The following CEP89 variants were observed in gnomAD, a reference collection of about 807,000 sequenced individuals.
CEP89 encodes centrosomal protein 89.
Under a neutral mutation model 97.6 loss-of-function variants are expected in CEP89, and 95 were observed. That is an observed-to-expected ratio of 0.97 (90% confidence interval 0.82 to 1.15). The LOEUF is 1.15. Ranked by LOEUF, CEP89 falls within the 50% of genes most tolerant of loss-of-function variation. The pLI, the probability that CEP89 is intolerant of heterozygous loss-of-function variation, is 0.00. For missense variants in CEP89, 869 were observed against 947.7 expected (o/e 0.92, Z 1.09); for synonymous variants, 354 against 349.1 (o/e 1.01, Z -0.16).
chr19:32,931,385 G>C (rs749060396), intron 9 of CEP89, 44 bp downstream of exon 9: 34 of 1,519,994 alleles, frequency 2.2e-5, no homozygotes, highest in Non-Finnish European at 2.9e-5. Flanking sequence ...AACAGTAAAG[G>C]CTTAAAAATC....
At chr19:32,893,107 GA>G (rs35600849) in intron 16 of CEP89, among the ~76,000 whole-genome samples, 12,873 of 145,838 alleles carry the variant, frequency 0.088, 742 homozygotes, top group South Asian at 0.15. Flanking sequence ...ATGGATATCA[GA>G]AAAAAAAAAC....
intron 1 of CEP89, among the ~76,000 whole-genome samples, chr19:32,967,381 A>G (rs951570527): frequency 6.6e-6 from 1 of 152,178 alleles, no homozygotes; most frequent in African/African-American, 2.4e-5. Context: ...GCAAAACACC[A>G]TGACAGCAAT....
intron 14 of CEP89, among the ~76,000 whole-genome samples, chr19:32,905,864 G>A (rs1039061552): frequency 4.6e-5 from 7 of 152,182 alleles, no homozygotes; most frequent in East Asian, 3.9e-4. Flanking sequence ...GATTACAGAC[G>A]GTAAGCCATC....
chr19:32,903,029 A>G (rs1001411006), intron 14 of CEP89, among the ~76,000 whole-genome samples: 1 of 152,078 alleles, frequency 6.6e-6, no homozygotes, highest in Non-Finnish European at 1.5e-5. Context: ...GGCCCACCCT[A>G]ACAAAAATCA....
intron 3 of CEP89, 131 bp downstream of exon 3, chr19:32,959,769 A>G: frequency 1.1e-6 from 1 of 915,428 alleles, no homozygotes. Flanking sequence ...AAATACATGC[A>G]TGAGCACCCA....
intron 3 of CEP89, among the ~76,000 whole-genome samples, chr19:32,956,204 C>T (rs1447848263): frequency 5.9e-5 from 9 of 151,358 alleles, no homozygotes; most frequent in Non-Finnish European, 1.2e-4. Context: ...TACAGGCGCC[C>T]GCCACCACGC....
chr19:32,910,314 GGA>G (rs146865758), intron 14 of CEP89, among the ~76,000 whole-genome samples: 12 of 117,776 alleles, frequency 1.0e-4, no homozygotes, highest in African/African-American at 1.6e-4. Context: ...AGGGAGGGAG[GGA>G]GAGAGAGAGA....
chr19:32,892,095 T>TATATATATACAGAC (rs1284620709), intron 16 of CEP89, among the ~76,000 whole-genome samples: 1 of 128,208 alleles, frequency 7.8e-6, no homozygotes, highest in African/African-American at 4.4e-5. Context: ...ATTCTAAATA[T>TATATATATACAGAC]ATATATATAT....
At position 32,968,854 on chromosome 19, in the gene CEP89, T is replaced by C. The variant is rs533325050; in HGVS notation, c.40-2388A>G. The C allele has an allele frequency of 2.6e-5, 4 of 152,376 alleles. No homozygotes were observed. In the East Asian group the frequency reaches 7.7e-4, roughly 29 times the overall value. The allele number at this position is 152,376 out of a possible 1,614,324, so 9.4% of individuals were successfully genotyped here. Reference sequence around the variant, plus strand: ...CTGGCCGGAACCTCTGTGGCCACAGTGCCTTTGCCTGAGTTCTTGTCCTGC... The same window carrying C: ...CTGGCCGGAACCTCTGTGGCCACAGCGCCTTTGCCTGAGTTCTTGTCCTGC... On this transcript the variant is annotated intron_variant, in intron 1 of 18. Coordinates refer to ENST00000305768, the MANE Select transcript of CEP89 (RefSeq NM_032816.5).
chr19:32,908,399 T>C (rs986440515), intron 14 of CEP89, among the ~76,000 whole-genome samples: 16 of 151,976 alleles, frequency 1.1e-4, no homozygotes, highest in African/African-American at 2.7e-4. Context: ...TCAGAGTCGA[T>C]AGATGGGTCA....
chr19:32,879,080 C>A lies in CEP89; in HGVS notation c.*82G>T. Reference sequence around the variant, plus strand: ...TGGGCTTACGCACCTCCGGCTGCCACCATGGGCTGCCCTGCAGGGAAGGCC... The same window carrying A: ...TGGGCTTACGCACCTCCGGCTGCCAACATGGGCTGCCCTGCAGGGAAGGCC... On this transcript the variant is annotated 3_prime_UTR_variant, in exon 19 of 19. Transcript: ENST00000305768. 2 of 1,176,270 alleles carry A rather than the reference C, an allele frequency of 1.7e-6. No homozygotes were observed. Among genetic ancestry groups the A allele is most frequent in the South Asian group, 2.9e-5 (2 of 68,300 alleles). The allele number at this position is 1,176,270 out of a possible 1,614,324, so 72.9% of individuals were successfully genotyped here.
chr19:32,966,088 T>A, intron 2 of CEP89: 1 of 333,532 alleles, frequency 3.0e-6, no homozygotes, highest in Non-Finnish European at 5.4e-6. Context: ...TACTTGGGCT[T>A]TAATGCTTTA....
At chr19:32,909,226 A>G (rs188848182) in intron 14 of CEP89, among the ~76,000 whole-genome samples, 2 of 152,358 alleles carry the variant, frequency 1.3e-5, no homozygotes. Context: ...TCTTTTGGGG[A>G]GAGCTAAAGA....
intron 5 of CEP89, among the ~76,000 whole-genome samples, chr19:32,945,153 G>T (rs1489856451): frequency 6.6e-6 from 1 of 152,048 alleles, no homozygotes; most frequent in Non-Finnish European, 1.5e-5. Context: ...GTGTGGTGGT[G>T]CATGCCTGTA....
chr19:32,944,233 A>AAAAAAAAAAAAAAAAAAAAAAAAAAAAAC (rs1970748935), intron 5 of CEP89, among the ~76,000 whole-genome samples: 2 of 121,684 alleles, frequency 1.6e-5, no homozygotes, highest in African/African-American at 2.9e-5. Flanking sequence ...AAAAAAAAAA[A>AAAAAAAAAAAAAAAAAAAAAAAAAAAAAC]AAAAGACTCT....
intron 5 of CEP89, 119 bp downstream of exon 5, chr19:32,948,147 G>C (rs1056825263): frequency 7.1e-6 from 4 of 563,716 alleles, no homozygotes; most frequent in Non-Finnish European, 1.3e-5. Context: ...TATATTCCTA[G>C]TTAAAATCAC....
At chr19:32,899,017 AT>A (rs1443748404) in intron 16 of CEP89, among the ~76,000 whole-genome samples, 2 of 151,930 alleles carry the variant, frequency 1.3e-5, no homozygotes, top group South Asian at 2.1e-4. Context: ...TATTTAAAAT[AT>A]TTTTTAAAAT....
At chr19:32,930,396 C>A (rs1041010519) in intron 9 of CEP89, among the ~76,000 whole-genome samples, 1 of 151,498 alleles carries the variant, frequency 6.6e-6, no homozygotes, top group African/African-American at 2.4e-5. Flanking sequence ...TCTGTGACTA[C>A]AATAAAAACC....
chr19:32,951,566 C>CACACACACAA (rs1555794438), intron 4 of CEP89, among the ~76,000 whole-genome samples: 1 of 150,488 alleles, frequency 6.6e-6, no homozygotes, highest in Non-Finnish European at 1.5e-5. Context: ...CACACACACA[C>CACACACACAA]GCACACTACT....
Sources: allele counts gnomAD v4.1 joint callset (sites outside exome capture counted in the v4.1 genomes callset), GRCh38; gene constraint gnomAD v4.1.1; transcripts MANE v1.5; gene names NCBI Gene and HGNC (gene_info 2026-07-23, HGNC 2026-07-21).